Variants in NRG1 observed in about 807,000 individuals in gnomAD.
NRG1 encodes the protein neuregulin 1.
Under a neutral mutation model 63.8 loss-of-function variants are expected in NRG1, and 18 were observed. The observed-to-expected ratio is 0.28, with a 90% confidence interval of 0.19 to 0.42. The LOEUF (loss-of-function observed/expected upper bound fraction) is 0.42. Among genes scored for constraint, NRG1 ranks in the 10% least tolerant of loss-of-function variants. The pLI is 1.00. For synonymous variants in NRG1, 302 were observed against 301.3 expected, an observed-to-expected ratio of 1.00 and a Z score of -0.02; for missense variants, 762 against 814.7, an observed-to-expected ratio of 0.94 and a Z score of 0.79.
chr8:32,045,549 T>TA (rs1331261447), intron 1 of NRG1, among the ~76,000 whole-genome samples: 3 of 151,944 alleles, frequency 2.0e-5, no homozygotes, highest in South Asian at 4.1e-4. Flanking sequence ...ATGGAGAAAT[T>TA]ATGTGCTCAA....
chr8:31,753,229 A>C (rs1816658793), intron 1 of NRG1, among the ~76,000 whole-genome samples: 1 of 152,058 alleles, frequency 6.6e-6, no homozygotes, highest in African/African-American at 2.4e-5. Context: ...TCATATTCTA[A>C]TGAGCATTGT....
At chr8:32,126,875 A>G (rs1834134956) in intron 1 of NRG1, among the ~76,000 whole-genome samples, 1 of 151,890 alleles carries the variant, frequency 6.6e-6, no homozygotes, top group Non-Finnish European at 1.5e-5. Context: ...AAACAGCTGT[A>G]GAAGAGCTTC....
chr8:32,132,617 G>A (rs1049356148), intron 1 of NRG1, among the ~76,000 whole-genome samples: 1 of 151,964 alleles, frequency 6.6e-6, no homozygotes, highest in East Asian at 1.9e-4. Context: ...TCTGGCTAAG[G>A]GGTGTAAGAA....
At chr8:32,326,307 CTTTT>C (rs745434807) in intron 1 of NRG1, among the ~76,000 whole-genome samples, 3 of 101,412 alleles carry the variant, frequency 3.0e-5, no homozygotes, top group African/African-American at 4.1e-5. Flanking sequence ...TGTGCCCAGG[CTTTT>C]TTTTTTTTTT....
chr8:31,722,906 T>C (rs1433694608), intron 1 of NRG1, among the ~76,000 whole-genome samples: 1 of 152,162 alleles, frequency 6.6e-6, no homozygotes, highest in Non-Finnish European at 1.5e-5. Flanking sequence ...TTGATCAGCT[T>C]AAATGTAAAC....
intron 1 of NRG1, among the ~76,000 whole-genome samples, chr8:32,407,193 A>G (rs990537095): frequency 1.3e-5 from 2 of 150,368 alleles, no homozygotes; most frequent in Non-Finnish European, 3.0e-5. Context: ...TAGTGTACAA[A>G]TATTAGGGTC....
intron 1 of NRG1, among the ~76,000 whole-genome samples, chr8:31,792,722 G>A (rs1281440599): frequency 6.6e-6 from 1 of 152,154 alleles, no homozygotes; most frequent in African/African-American, 2.4e-5. Context: ...AGACTGTCCT[G>A]TTTCACCTTT....
intron 1 of NRG1, among the ~76,000 whole-genome samples, chr8:32,189,363 T>C (rs1320151818): frequency 6.6e-6 from 1 of 152,198 alleles, no homozygotes; most frequent in Non-Finnish European, 1.5e-5. Context: ...GTTAATTTGC[T>C]TATCAACCTG....
intron 1 of NRG1, among the ~76,000 whole-genome samples, chr8:32,592,749 G>A (rs965420243): frequency 2.6e-5 from 4 of 151,816 alleles, no homozygotes; most frequent in Non-Finnish European, 5.9e-5. Flanking sequence ...GGAGTGGTAA[G>A]GGGGGAAACA....
intron 1 of NRG1, among the ~76,000 whole-genome samples, chr8:32,301,084 A>G (rs984491422): frequency 2.0e-5 from 3 of 152,150 alleles, no homozygotes; most frequent in Non-Finnish European, 2.9e-5. Flanking sequence ...TTCTGTAACT[A>G]TTTTCTAAGA....
At chr8:31,746,760 T>C (rs766612481) in intron 1 of NRG1, among the ~76,000 whole-genome samples, 1 of 151,972 alleles carries the variant, frequency 6.6e-6, no homozygotes, top group Non-Finnish European at 1.5e-5. Flanking sequence ...TCAACCTAAG[T>C]GTCCATCAGC....
chr8:32,343,167 T>TAAATATA (rs1804294102), intron 1 of NRG1, among the ~76,000 whole-genome samples: 1 of 152,214 alleles, frequency 6.6e-6, no homozygotes, highest in East Asian at 1.9e-4. Context: ...CTGTTTGGGC[T>TAAATATA]GCCTCTAAAT....
rs1170177280 is a variant in NRG1, at chr8:31,641,759, C to T, written c.37+2328C>T. 3.9e-5 allele frequency: 6 copies of T among 152,146 alleles called. 1 individual carries two copies. The highest frequency in any genetic ancestry group is 2.6e-4 in the Admixed American group (4 of 15,268). 9.4% of individuals were successfully genotyped at this position (152,146 alleles called of 1,614,324 possible). The stretch of plus-strand genomic sequence containing the variant: ...ATTCCAACATGCATAATAGCTTTTC[C>T]CCCTGGTCTTTATGTATCCGTCTAA... On this transcript the variant is annotated intron_variant, in intron 1 of 10. Transcript: ENST00000519301.
At chr8:31,807,957 G>A (rs1225082414) in intron 1 of NRG1, among the ~76,000 whole-genome samples, 1 of 145,560 alleles carries the variant, frequency 6.9e-6, no homozygotes, top group East Asian at 1.9e-4. Context: ...GCGTGTGTGT[G>A]TGTGTGTGTG....
In NRG1 at chr8:32,557,150, C is replaced by T. The variant is rs528135151; in HGVS notation, c.100+8324C>T. Among the ~76,000 whole-genome samples the T allele has an allele frequency of 5.3e-5, 8 of 152,138 alleles. No individual in the cohort carries two copies. The South Asian group carries it at 1.2e-3, about 24-fold the overall frequency. On this transcript the variant is annotated intron_variant, in intron 1 of 11. Coordinates refer to ENST00000356819, the Ensembl canonical transcript of NRG1. ...CCTCCCAAGTAGCTGAGACTACAGG[C>T]GCCTGCCACCACACCCAGCTAATTT... is the stretch of plus-strand genomic sequence containing the variant.
intron 1 of NRG1, among the ~76,000 whole-genome samples, chr8:31,706,327 AT>A (rs1298758413): frequency 1.3e-5 from 2 of 152,014 alleles, no homozygotes; most frequent in African/African-American, 4.8e-5. Flanking sequence ...TTGCCTCTTG[AT>A]TTTTTTCTTG....
intron 1 of NRG1, among the ~76,000 whole-genome samples, chr8:32,371,098 G>T (rs917441256): frequency 6.6e-6 from 1 of 152,030 alleles, no homozygotes; most frequent in Non-Finnish European, 1.5e-5. Flanking sequence ...TGTAATCCCA[G>T]CTACTCAGGA....
chr8:31,890,184 C>T (rs977607749), intron 1 of NRG1, among the ~76,000 whole-genome samples: 2 of 152,130 alleles, frequency 1.3e-5, no homozygotes, highest in Non-Finnish European at 2.9e-5. Flanking sequence ...GCAGCATACT[C>T]TGGAGGACAA....
chr8:32,322,643 G>A (rs749210292), intron 1 of NRG1, among the ~76,000 whole-genome samples: 5 of 151,912 alleles, frequency 3.3e-5, no homozygotes, highest in Non-Finnish European at 7.4e-5. Context: ...CTGCTGGCCT[G>A]TCCTGCAGGC....
Sources: allele counts gnomAD v4.1 joint callset (sites outside exome capture counted in the v4.1 genomes callset), GRCh38; gene constraint gnomAD v4.1.1; transcripts MANE v1.5; gene names NCBI Gene and HGNC (gene_info 2026-07-23, HGNC 2026-07-21).